The following INPP5D variants were observed in gnomAD, a reference collection of about 807,000 sequenced individuals.
INPP5D encodes inositol polyphosphate-5-phosphatase D, also known as phosphatidylinositol 3,4,5-trisphosphate 5-phosphatase 1.
In INPP5D, 33 loss-of-function variants were observed where a neutral mutation model predicts 122.9. That is an observed-to-expected ratio of 0.27 (90% CI 0.20 to 0.36). The LOEUF is 0.36. Among genes scored for constraint, INPP5D ranks in the 10% least tolerant of loss-of-function variants. The pLI is 1.00. For missense variants in INPP5D, 1,053 were observed against 1,412.7 expected, an observed-to-expected ratio of 0.75 and a Z score of 4.08; for synonymous variants, 584 against 576.2, an observed-to-expected ratio of 1.01 and a Z score of -0.19.
chr2:233,163,096 A>T (rs552378199), intron 11 of INPP5D, among the ~76,000 whole-genome samples: 19 of 152,336 alleles, frequency 1.2e-4, no homozygotes, highest in African/African-American at 4.3e-4. Flanking sequence ...TTGCACTTGT[A>T]AGGCAAGAAG....
Position 233,078,023 on chromosome 2 carries a change from T to C in INPP5D, c.135-1312T>C, listed in dbSNP as rs4383322. 0.82 allele frequency among the ~76,000 whole-genome samples: 125,342 copies of C among 152,194 alleles called. 52,080 individuals are homozygous for C. Among genetic ancestry groups the C allele is most frequent in the Middle Eastern group, 0.89 (261 of 294 alleles). ...TGTCTACAGGGCTCTACGGGCCAGGTGAGCCTTCCGGGCTCAGGAGAATCT... is the reference window on the plus strand; with the variant it reads ...TGTCTACAGGGCTCTACGGGCCAGGCGAGCCTTCCGGGCTCAGGAGAATCT... On this transcript the variant is annotated intron_variant, in intron 1 of 26. Coordinates refer to ENST00000445964, the MANE Select transcript of INPP5D (RefSeq NM_001017915.3). This position sits in a 1 kb window ranked among gnomAD's most constrained non-coding sequence, Gnocchi z 4.6.
At chr2:233,158,592 G>A (rs1185891235) in intron 10 of INPP5D, among the ~76,000 whole-genome samples, 173 bp downstream of exon 10, 1 of 152,058 alleles carries the variant, frequency 6.6e-6, no homozygotes, top group Non-Finnish European at 1.5e-5. Context: ...TTCCAGGTTG[G>A]CCTGGATTTG....
At chr2:233,202,291 G>A (rs996866230) in intron 25 of INPP5D, among the ~76,000 whole-genome samples, 2 of 152,200 alleles carry the variant, frequency 1.3e-5, no homozygotes, top group African/African-American at 4.8e-5. Context: ...CACAGCAACG[G>A]CCTTTGAGGG....
intron 21 of INPP5D, among the ~76,000 whole-genome samples, chr2:233,187,176 G>A (rs1457199540): frequency 5.4e-5 from 8 of 149,256 alleles, no homozygotes; most frequent in African/African-American, 9.9e-5. Flanking sequence ...GCAGTGAGAC[G>A]CTGTCTCTTT....
At chr2:233,203,328 G>T (rs1484176917) in intron 25 of INPP5D, among the ~76,000 whole-genome samples, 1 of 152,172 alleles carries the variant, frequency 6.6e-6, no homozygotes. Flanking sequence ...GTGGGAAGGG[G>T]CTGTGGAGAG....
chr2:233,115,431 G>T (rs1302342966), intron 2 of INPP5D, among the ~76,000 whole-genome samples: 1 of 152,178 alleles, frequency 6.6e-6, no homozygotes, highest in Non-Finnish European at 1.5e-5. Context: ...GACTTTCCTG[G>T]ATGGTGTTGG....
intron 2 of INPP5D, among the ~76,000 whole-genome samples, chr2:233,093,236 G>A (rs73996021): frequency 1.3e-5 from 2 of 152,154 alleles, no homozygotes; most frequent in African/African-American, 4.8e-5. Context: ...TGAGGGTGAG[G>A]AAGTTCAAAT....
Position 233,125,862 on chromosome 2 carries a change from G to A in INPP5D, c.467G>A (p.Ser156Asn). ...GAGAATCCCCGAGCGACCGAGACCA[G>A]CCGGCCGAGCCTCTCCGAGACATTG... ...SNENPRATET[S>N]RPSLSETLFQ... Residue 156 changes from serine (S) to asparagine (N), a missense_variant, in exon 4 of 27, where the codon AGC (serine) becomes AAC (asparagine). Ser to Asn is a conservative substitution (Grantham distance 46, BLOSUM62 1). Coordinates refer to ENST00000445964, the MANE Select transcript of INPP5D (RefSeq NM_001017915.3). 1 of 1,613,648 alleles carries A rather than the reference G, an allele frequency of 6.2e-7. No individual in the cohort carries two copies. Among genetic ancestry groups the A allele is most frequent in the Non-Finnish European group, 8.5e-7 (1 of 1,179,784 alleles).
intron 3 of INPP5D, among the ~76,000 whole-genome samples, chr2:233,124,688 C>T (rs769719118): frequency 1.3e-4 from 20 of 152,246 alleles, no homozygotes; most frequent in Non-Finnish European, 2.4e-4. Context: ...AACACCCTCA[C>T]TCCCCTCGGG....
intron 17 of INPP5D, among the ~76,000 whole-genome samples, chr2:233,173,898 A>C (rs1574785882): frequency 6.6e-6 from 1 of 151,980 alleles, no homozygotes. Flanking sequence ...GCGCCACTGC[A>C]CTCCTGCCTG....
intron 2 of INPP5D, among the ~76,000 whole-genome samples, chr2:233,118,112 C>T (rs904578846): frequency 6.6e-6 from 1 of 152,142 alleles, no homozygotes; most frequent in Non-Finnish European, 1.5e-5. Flanking sequence ...CCCAGCAGGA[C>T]CCACCTACTC....
intron 17 of INPP5D, among the ~76,000 whole-genome samples, chr2:233,174,247 G>GT (rs1383658263): frequency 6.6e-6 from 1 of 152,254 alleles, no homozygotes; most frequent in Non-Finnish European, 1.5e-5. Context: ...GAATTGTACT[G>GT]TTATGCTTTT....
chr2:233,137,641 A>T (rs1257886556), intron 5 of INPP5D, among the ~76,000 whole-genome samples: 1 of 149,560 alleles, frequency 6.7e-6, no homozygotes, highest in Non-Finnish European at 1.5e-5. Flanking sequence ...TTTTTAGTAG[A>T]GATGAGGTTT....
intron 2 of INPP5D, among the ~76,000 whole-genome samples, chr2:233,103,160 AC>A (rs1362011164): frequency 9.2e-5 from 14 of 152,038 alleles, no homozygotes; most frequent in Non-Finnish European, 1.5e-4. Context: ...GCTGCAAAAC[AC>A]CCCATGTATG....
Position 233,138,912 on chromosome 2 carries a change from A to ATTTTTTTT in INPP5D, c.666-923_666-916dup, listed in dbSNP as rs759201099. The stretch of plus-strand genomic sequence containing the variant: ...AGGAGCCCGCCACCACACCTGGCTA[A>ATTTTTTTT]TTTTTTTTTTTTTTGTATTTTTAGT... On this transcript the variant is annotated intron_variant, in intron 5 of 26. Transcript: ENST00000445964. Among the ~76,000 whole-genome samples, 1,203 of 140,354 alleles carry ATTTTTTTT rather than the reference A, an allele frequency of 8.6e-3. 18 individuals are homozygous for ATTTTTTTT. Among genetic ancestry groups the ATTTTTTTT allele is most frequent in the African/African-American group, 0.03 (1,131 of 37,986 alleles). 92.1% of individuals were successfully genotyped at this position (140,354 alleles called of 152,430 possible).
rs1692004014 is a variant in INPP5D at position 233,091,903 on chromosome 2, AC to A, written c.198+12507del. On this transcript the variant is annotated intron_variant, in intron 2 of 26. Transcript: ENST00000445964. ...TCTTGCTCTCCACTGTCTCTGTAGC[AC>A]CAGAAGGATGCCTGGCACAGAGTAG... Among the ~76,000 whole-genome samples, 2 of 152,366 alleles carry A rather than the reference AC, an allele frequency of 1.3e-5. 1 individual carries two copies. The highest frequency in any genetic ancestry group is 4.1e-4 in the South Asian group (2 of 4,832).
intron 2 of INPP5D, among the ~76,000 whole-genome samples, chr2:233,093,682 C>CAAA (rs11443116): frequency 9.3e-5 from 8 of 85,946 alleles, no homozygotes; most frequent in African/African-American, 3.6e-4. Context: ...ACACTGTCTC[C>CAAA]AAAAAAAAAA....
chr2:233,134,298 G>T (rs1255292276), intron 5 of INPP5D: 2 of 290,006 alleles, frequency 6.9e-6, no homozygotes, highest in Admixed American at 9.3e-5. Context: ...GAATCATGGG[G>T]GATGCATATG....
At chr2:233,149,077 G>A (rs1332332983) in intron 9 of INPP5D, among the ~76,000 whole-genome samples, 1 of 148,954 alleles carries the variant, frequency 6.7e-6, no homozygotes, top group African/African-American at 2.5e-5. Context: ...ATTTTATCTG[G>A]CTTCTTCAGG....
Sources: allele counts gnomAD v4.1 joint callset (sites outside exome capture counted in the v4.1 genomes callset), GRCh38; gene constraint gnomAD v4.1.1; non-coding constraint Gnocchi (gnomAD v3.1); transcripts MANE v1.5; gene names NCBI Gene and HGNC (gene_info 2026-07-23, HGNC 2026-07-21).